Variants in SLC35F4 observed in about 807,000 individuals in gnomAD.
SLC35F4 encodes the protein solute carrier family 35 member F4, also known as chromosome 14 open reading frame 36.
In SLC35F4, 24 loss-of-function variants were observed where a neutral mutation model predicts 44.2. That is an observed-to-expected ratio of 0.54 (90% CI 0.39 to 0.76). SLC35F4 has a LOEUF of 0.76. SLC35F4 is among the 30% of genes least tolerant of loss of function. SLC35F4 has a pLI of 0.00. For missense variants in SLC35F4, 562 were observed against 586.1 expected, an observed-to-expected ratio of 0.96 and a Z score of 0.42; for synonymous variants, 238 against 223.6, an observed-to-expected ratio of 1.06 and a Z score of -0.57.
At chr14:57,834,775 T>C (rs1011603396) in intron 1 of SLC35F4, among the ~76,000 whole-genome samples, 1 of 152,168 alleles carries the variant, frequency 6.6e-6, no homozygotes, top group Non-Finnish European at 1.5e-5. Context: ...ATCCTAACAC[T>C]TTAGGAGGCC....
chr14:57,891,221 T>G (rs960409166), intron 1 of SLC35F4, among the ~76,000 whole-genome samples: 1 of 152,232 alleles, frequency 6.6e-6, no homozygotes, highest in African/African-American at 2.4e-5. Flanking sequence ...AAGTTTCTTG[T>G]GCCTAAGATC....
At chr14:57,565,423 C>CTA (rs1436903456) in intron 7 of SLC35F4, among the ~76,000 whole-genome samples, 6 of 152,220 alleles carry the variant, frequency 3.9e-5, no homozygotes, top group African/African-American at 1.4e-4. Flanking sequence ...GCACATACCT[C>CTA]TATTAAAGCA....
At chr14:57,697,585 C>T (rs1171094467) in intron 1 of SLC35F4, among the ~76,000 whole-genome samples, 9 of 151,974 alleles carry the variant, frequency 5.9e-5, no homozygotes, top group Admixed American at 5.9e-4. Context: ...TCTCTAGTCC[C>T]AGCTACTTGG....
At chr14:57,952,098 C>A (rs1890151985) in intron 1 of SLC35F4, among the ~76,000 whole-genome samples, 1 of 152,192 alleles carries the variant, frequency 6.6e-6, no homozygotes, top group African/African-American at 2.4e-5. Flanking sequence ...GAACAGGCAG[C>A]AATCTTTGCT....
At chr14:57,571,494 CAGGG>C (rs1256429954) in intron 5 of SLC35F4, among the ~76,000 whole-genome samples, 1 of 152,126 alleles carries the variant, frequency 6.6e-6, no homozygotes. Flanking sequence ...TTAAAAAACA[CAGGG>C]AGAGAAGATG....
chr14:57,826,771 T>C (rs1883814487), intron 1 of SLC35F4, among the ~76,000 whole-genome samples: 1 of 151,970 alleles, frequency 6.6e-6, no homozygotes, highest in African/African-American at 2.4e-5. Context: ...TGAACATCAC[T>C]AATTATTAAA....
upstream of SLC35F4, among the ~76,000 whole-genome samples, chr14:57,870,877 GA>G (rs1888284357): frequency 6.6e-6 from 1 of 152,174 alleles, no homozygotes; most frequent in Non-Finnish European, 1.5e-5. Flanking sequence ...ATGATCACGT[GA>G]GGCAGACCTT....
intron 1 of SLC35F4, among the ~76,000 whole-genome samples, chr14:57,757,261 T>G (rs1433739892): frequency 6.6e-6 from 1 of 152,198 alleles, no homozygotes; most frequent in African/African-American, 2.4e-5. Context: ...TTTTGCCACA[T>G]TTTTACTTTT....
intron 1 of SLC35F4, among the ~76,000 whole-genome samples, chr14:57,710,377 G>T (rs1225877449): frequency 6.6e-6 from 1 of 152,192 alleles, no homozygotes; most frequent in East Asian, 1.9e-4. Flanking sequence ...TGTTGCAGGG[G>T]TGGAGCCATC....
intron 1 of SLC35F4, among the ~76,000 whole-genome samples, chr14:57,672,664 G>T (rs1941557972): frequency 6.6e-6 from 1 of 151,950 alleles, no homozygotes. Context: ...CTACTTAAGA[G>T]AACTTGCTAT....
intron 1 of SLC35F4, among the ~76,000 whole-genome samples, chr14:57,840,016 T>A (rs572567226): frequency 2.6e-5 from 4 of 152,188 alleles, no homozygotes; most frequent in Non-Finnish European, 5.9e-5. Context: ...CTAATAATAA[T>A]AACATTCATA....
At chr14:57,664,204 G>A (rs1180588769) in intron 1 of SLC35F4, among the ~76,000 whole-genome samples, 1 of 152,192 alleles carries the variant, frequency 6.6e-6, no homozygotes, top group Non-Finnish European at 1.5e-5. Context: ...ATCTAGGTCA[G>A]TCTGATGTTC....
intron 1 of SLC35F4, among the ~76,000 whole-genome samples, chr14:57,856,328 T>C (rs1174248744): frequency 6.6e-6 from 1 of 152,074 alleles, no homozygotes; most frequent in African/African-American, 2.4e-5. Flanking sequence ...GTTAAAAACA[T>C]GGCTAGCAAG....
intron 1 of SLC35F4, among the ~76,000 whole-genome samples, chr14:57,715,091 A>T (rs2075906557): frequency 6.6e-6 from 1 of 152,156 alleles, no homozygotes; most frequent in East Asian, 1.9e-4. Flanking sequence ...TAAAGATGGA[A>T]ATGATTGAAG....
intron 1 of SLC35F4, among the ~76,000 whole-genome samples, chr14:57,720,951 G>C (rs1008998334): frequency 7.0e-6 from 1 of 142,124 alleles, no homozygotes; most frequent in Non-Finnish European, 1.5e-5. Context: ...TTGTGTGACC[G>C]TGTGATTGTG....
chr14:57,855,724 A>G (rs772745201), intron 1 of SLC35F4, among the ~76,000 whole-genome samples: 13 of 152,230 alleles, frequency 8.5e-5, no homozygotes, highest in Non-Finnish European at 1.8e-4. Context: ...ATTCTACTAT[A>G]AAGACTTACA....
chr14:57,678,033 A>G (rs998074888), intron 1 of SLC35F4, among the ~76,000 whole-genome samples: 3 of 152,082 alleles, frequency 2.0e-5, no homozygotes, highest in Admixed American at 6.6e-5. Context: ...TATCACAAAG[A>G]TACTCCTTGA....
At chr14:57,711,965 A>C (rs2075827554) in intron 1 of SLC35F4, among the ~76,000 whole-genome samples, 1 of 152,230 alleles carries the variant, frequency 6.6e-6, no homozygotes, top group South Asian at 2.1e-4. Flanking sequence ...GTCTGTTTCT[A>C]ATTTTAAGTA....
rs138787634 is a variant in SLC35F4 at position 57,858,290 on chromosome 14, T to C, written c.103+7433A>G. Among the ~76,000 whole-genome samples the C allele has an allele frequency of 8.8e-4, 134 of 152,096 alleles. 4 individuals are homozygous for C. In the East Asian group the frequency reaches 0.025, roughly 28 times the overall value. The stretch of plus-strand genomic sequence containing the variant: ...GACTCGGAACCAACCCAAATGTCCA[T>C]AAATGATAGACTGGATTAAGAAAAT... On this transcript the variant is annotated intron_variant, in intron 1 of 7. Coordinates refer to ENST00000556826, the MANE Select transcript of SLC35F4 (RefSeq NM_001306087.2).
Sources: gnomAD v4.1 joint callset for allele counts (sites outside exome capture counted in the v4.1 genomes callset) on GRCh38, gnomAD v4.1.1 for gene constraint, MANE v1.5 for transcripts, NCBI Gene and HGNC (gene_info 2026-07-23, HGNC 2026-07-21) for gene names.